The following PRKAA2 variants were observed in gnomAD, a reference collection of about 807,000 sequenced individuals.
PRKAA2 encodes the protein 5'-AMP-activated protein kinase catalytic subunit alpha-2.
PRKAA2 carries 40 observed loss-of-function variants against 56.3 expected under a neutral mutation model. That is an observed-to-expected ratio of 0.71 (90% CI 0.55 to 0.92). PRKAA2 has a LOEUF of 0.92. PRKAA2 is among the 40% of genes least tolerant of loss of function. The probability of loss-of-function intolerance (pLI) is 0.00; values close to 1 mark genes in which losing one functional copy is unlikely to be tolerated. For missense variants in PRKAA2, 542 were observed against 686.9 expected (o/e 0.79, Z 2.36); for synonymous variants, 214 against 234.2 (o/e 0.91, Z 0.79).
intron 1 of PRKAA2, among the ~76,000 whole-genome samples, chr1:56,664,786 A>G (rs965464177): frequency 2.0e-5 from 3 of 151,994 alleles, no homozygotes; most frequent in Non-Finnish European, 4.4e-5. Flanking sequence ...TAGAATTTAA[A>G]TTAAAAAATA....
chr1:56,651,510 G>A (rs1317376776), intron 1 of PRKAA2, among the ~76,000 whole-genome samples: 3 of 152,148 alleles, frequency 2.0e-5, no homozygotes, highest in African/African-American at 7.2e-5. Flanking sequence ...AGGGTTCTCA[G>A]ACTGCAAAGT....
At chr1:56,695,476 C>T (rs1412614663) in intron 5 of PRKAA2, among the ~76,000 whole-genome samples, 1 of 152,060 alleles carries the variant, frequency 6.6e-6, no homozygotes, top group Non-Finnish European at 1.5e-5. Context: ...CAGGTGTGAG[C>T]TACCGTGACC....
At chr1:56,664,470 G>A (rs977918540) in intron 1 of PRKAA2, among the ~76,000 whole-genome samples, 1 of 94,654 alleles carries the variant, frequency 1.1e-5, no homozygotes, top group African/African-American at 4.7e-5. Flanking sequence ...TAGTTCAGAT[G>A]TTGTTTCTGG....
intron 2 of PRKAA2, among the ~76,000 whole-genome samples, chr1:56,675,234 G>T (rs1644104995): frequency 6.6e-6 from 1 of 152,078 alleles, no homozygotes; most frequent in Non-Finnish European, 1.5e-5. Flanking sequence ...AATGTAACGT[G>T]CTAGACACTG....
intron 2 of PRKAA2, among the ~76,000 whole-genome samples, chr1:56,680,965 G>C (rs1277789398): frequency 1.3e-5 from 2 of 152,322 alleles, no homozygotes; most frequent in East Asian, 1.9e-4. Flanking sequence ...CTAGTTTACA[G>C]TCCCACCAAC....
intron 1 of PRKAA2, chr1:56,671,338 C>T (rs545098311): frequency 2.0e-5 from 3 of 152,066 alleles, no homozygotes; most frequent in Non-Finnish European, 2.9e-5. Context: ...AGGAGAGAGA[C>T]GTATTTGTTA....
rs1463086956 is a variant in PRKAA2 at position 56,704,203 on chromosome 1, T to C, written c.1021T>C (p.Tyr341His). ...AATAATGAACCAAGCCAGTGAGTTCTACCTCGCCTCTAGTCCTCCATCTGG... is the reference window on the plus strand; with the variant it reads ...AATAATGAACCAAGCCAGTGAGTTCCACCTCGCCTCTAGTCCTCCATCTGG... ...RRIMNQASEF[Y>H]LASSPPSGSF... The change falls in exon 7 of 9, where the codon TAC (tyrosine) becomes CAC (histidine). Residue 341 changes from tyrosine (Y) to histidine (H), a missense_variant. Tyr to His is a moderately conservative substitution (Grantham distance 83, BLOSUM62 2). This residue lies in a region of PRKAA2 where 198 missense variants were observed against 234.0 expected (regional missense o/e 0.85). Transcript: ENST00000371244. 15 of 1,614,102 alleles carry C rather than the reference T, an allele frequency of 9.3e-6. No individual in the cohort carries two copies. The highest frequency in any genetic ancestry group is 1.2e-5 in the Non-Finnish European group (14 of 1,180,050).
rs547100001 is a variant in PRKAA2, at chr1:56,715,279, G to A, written c.*7566G>A. ...AAGGAGAAAAGCAGCCTGTCTGATT[G>A]CTTATAAGCTTTTTTCACAAAATCA... On this transcript the variant is annotated 3_prime_UTR_variant, in exon 9 of 9. Transcript: ENST00000371244. 2.6e-5 allele frequency: 4 copies of A among 152,240 alleles called. No homozygotes were observed. Among genetic ancestry groups the A allele is most frequent in the Admixed American group, 6.5e-5 (1 of 15,282 alleles). 9.4% of individuals were successfully genotyped at this position (152,240 alleles called of 1,614,324 possible). A position where few individuals can be genotyped will look rare whatever the true frequency, so the allele number is the denominator to read the frequency against.
chr1:56,667,336 T>G lies in PRKAA2; in HGVS notation c.95-7045T>G, dbSNP rs146991360. Among the ~76,000 whole-genome samples the G allele has an allele frequency of 6.0e-3, 915 of 152,230 alleles. 5 individuals are homozygous for G. The highest frequency in any genetic ancestry group is 0.021 in the African/African-American group (872 of 41,554). ...GTTTAGGGTCGTGAGGGGAACATTG[T>G]AACTGGTAGCCAAAAATGCCATTCC... is the stretch of plus-strand genomic sequence containing the variant. On this transcript the variant is annotated intron_variant, in intron 1 of 8. Coordinates refer to ENST00000371244, the MANE Select transcript of PRKAA2 (RefSeq NM_006252.4).
intron 2 of PRKAA2, among the ~76,000 whole-genome samples, chr1:56,686,724 G>T (rs2100418496): frequency 6.6e-6 from 1 of 152,112 alleles, no homozygotes; most frequent in East Asian, 1.9e-4. Flanking sequence ...ATTCATGAGG[G>T]ATGGATCTAC....
intron 6 of PRKAA2, among the ~76,000 whole-genome samples, chr1:56,698,355 A>G (rs1445463590): frequency 2.0e-5 from 3 of 152,242 alleles, no homozygotes; most frequent in Admixed American, 6.5e-5. Context: ...ATATATAGCT[A>G]TAAACCATTT....
Position 56,714,816 on chromosome 1 carries a change from A to G in PRKAA2, c.*7103A>G, listed in dbSNP as rs1007185932. ...GCAACAAATAAAACTGAAAACAGCC[A>G]TTTGGTTGTGTCATGACAATCATAA... On this transcript the variant is annotated 3_prime_UTR_variant, in exon 9 of 9. Transcript: ENST00000371244. The G allele has an allele frequency of 1.3e-5, 2 of 152,116 alleles. No homozygotes were observed. The highest frequency in any genetic ancestry group is 2.9e-5 in the Non-Finnish European group (2 of 68,010). The allele number at this position is 152,116 out of a possible 1,614,324, so 9.4% of individuals were successfully genotyped here.
At position 56,711,169 on chromosome 1, in the gene PRKAA2, A is replaced by G. The variant is rs1464382737; in HGVS notation, c.*3456A>G. ...AGGGTATTGGCTATATGTAGCATGA[A>G]CAATTCTCCATTTTCTGCAAATGGG... On this transcript the variant is annotated 3_prime_UTR_variant, in exon 9 of 9. Transcript: ENST00000371244. The G allele has an allele frequency of 6.6e-6, 1 of 152,138 alleles. No homozygotes were observed. Among genetic ancestry groups the G allele is most frequent in the Admixed American group, 6.5e-5 (1 of 15,270 alleles). The allele number at this position is 152,138 out of a possible 1,614,324, so 9.4% of individuals were successfully genotyped here. A position where few individuals can be genotyped will look rare whatever the true frequency, so the allele number is the denominator to read the frequency against.
At chr1:56,687,661 C>T (rs1246109426) in intron 2 of PRKAA2, among the ~76,000 whole-genome samples, 1 of 152,098 alleles carries the variant, frequency 6.6e-6, no homozygotes, top group East Asian at 1.9e-4. Flanking sequence ...AGACAAGTGT[C>T]ATCAACCAAG....
chr1:56,674,056 C>A (rs1233259888), intron 1 of PRKAA2, among the ~76,000 whole-genome samples: 1 of 152,142 alleles, frequency 6.6e-6, no homozygotes, highest in African/African-American at 2.4e-5. Flanking sequence ...ACAGTGAGTT[C>A]TCTCCTGTCC....
chr1:56,707,312 G>C (rs903610684), intron 8 of PRKAA2, among the ~76,000 whole-genome samples, 163 bp from the exon 9 acceptor site: 4 of 152,126 alleles, frequency 2.6e-5, no homozygotes, highest in Non-Finnish European at 5.9e-5. Context: ...ATGATTGTTG[G>C]AAGGAAGAAG....
In PRKAA2 at chr1:56,682,329, C is replaced by T. The variant is rs1644160921; in HGVS notation, c.236+7807C>T. The stretch of plus-strand genomic sequence containing the variant: ...GAGTGTGACTAGGAAAGAAGAAGGG[C>T]TAATTTAGATTAGGTATGAGGAAGC... On this transcript the variant is annotated intron_variant, in intron 2 of 8. Coordinates refer to ENST00000371244, the MANE Select transcript of PRKAA2 (RefSeq NM_006252.4). Among the ~76,000 whole-genome samples, 12 of 152,048 alleles carry T rather than the reference C, an allele frequency of 7.9e-5. 1 individual carries two copies. The highest frequency in any genetic ancestry group is 7.9e-4 in the Admixed American group (12 of 15,270).
intron 1 of PRKAA2, among the ~76,000 whole-genome samples, chr1:56,647,955 G>A (rs1444146100): frequency 3.3e-5 from 5 of 150,818 alleles, no homozygotes; most frequent in Non-Finnish European, 7.4e-5. Flanking sequence ...ACTTGGACCC[G>A]AGAGGCAGAG....
intron 1 of PRKAA2, among the ~76,000 whole-genome samples, chr1:56,668,734 A>G (rs1644054408): frequency 6.6e-6 from 1 of 152,224 alleles, no homozygotes; most frequent in South Asian, 2.1e-4. Context: ...TGATGTACAG[A>G]TACAGAAGTG....
Sources: gnomAD v4.1 joint callset for allele counts (sites outside exome capture counted in the v4.1 genomes callset) on GRCh38, gnomAD v4.1.1 for gene constraint, gnomAD v4.1.1 regional missense constraint, MANE v1.5 for transcripts, NCBI Gene and HGNC (gene_info 2026-07-23, HGNC 2026-07-21) for gene names.